Variants in NRG1 observed in about 807,000 individuals in gnomAD.
NRG1 encodes the protein neuregulin 1.
In NRG1, 18 loss-of-function variants were observed where a neutral mutation model predicts 63.8. The observed-to-expected ratio is 0.28, with a 90% CI of 0.19 to 0.42. The LOEUF (loss-of-function observed/expected upper bound fraction) is 0.42. NRG1 is among the 10% of genes least tolerant of loss of function. The pLI is 1.00. For synonymous variants in NRG1, 302 were observed against 301.3 expected (o/e 1.00, Z -0.02); for missense variants, 762 against 814.7 (o/e 0.94, Z 0.79).
At chr8:31,676,473 C>A (rs1807712394) in intron 1 of NRG1, among the ~76,000 whole-genome samples, 1 of 152,146 alleles carries the variant, frequency 6.6e-6, no homozygotes, top group African/African-American at 2.4e-5. Context: ...CCATTTCATT[C>A]CCTATGGCTT....
chr8:32,434,184 C>CAAAATAAAATAAAATAAAAT (rs71208182), intron 1 of NRG1, among the ~76,000 whole-genome samples: 17 of 146,338 alleles, frequency 1.2e-4, no homozygotes, highest in African/African-American at 3.8e-4. Flanking sequence ...GACTCCATCT[C>CAAAATAAAATAAAATAAAAT]AAAATAAAAT....
chr8:32,311,523 A>G (rs1856802628), intron 1 of NRG1, among the ~76,000 whole-genome samples: 1 of 152,172 alleles, frequency 6.6e-6, no homozygotes, highest in African/African-American at 2.4e-5. Flanking sequence ...TCAAAAACCT[A>G]GAATAAGCCA....
intron 1 of NRG1, among the ~76,000 whole-genome samples, chr8:32,264,750 C>G (rs1850735469): frequency 6.6e-6 from 1 of 151,946 alleles, no homozygotes; most frequent in Admixed American, 6.6e-5. Context: ...AAAAAGCTAA[C>G]TGTGGCATGA....
rs371967898 is a variant in NRG1, at chr8:32,249,582, G to A, written c.38-346246G>A. The stretch of plus-strand genomic sequence containing the variant: ...ATCCCCTCTCAGAGATCACCAAGTG[G>A]TCAGACCACAAAACCAAAGCCAGTG... On this transcript the variant is annotated intron_variant, in intron 1 of 10. Coordinates refer to the NRG1 transcript ENST00000519301. 1.7e-4 allele frequency among the ~76,000 whole-genome samples: 26 copies of A among 152,172 alleles called. 1 individual carries two copies. The highest frequency in any genetic ancestry group is 5.8e-4 in the African/African-American group (24 of 41,534).
At chr8:32,721,811 G>A (rs2129003422) in intron 5 of NRG1, 2 of 1,321,202 alleles carry the variant, frequency 1.5e-6, no homozygotes, top group Non-Finnish European at 1.9e-6. Context: ...GGCATCTAGA[G>A]AAGCTACATT....
chr8:32,627,978 T>C (rs906369702), intron 5 of NRG1, among the ~76,000 whole-genome samples: 1 of 152,220 alleles, frequency 6.6e-6, no homozygotes, highest in Non-Finnish European at 1.5e-5. Flanking sequence ...TCTACACAAA[T>C]ATTGTCCTAC....
chr8:32,622,129 C>T (rs554806021), intron 5 of NRG1, among the ~76,000 whole-genome samples: 1 of 152,074 alleles, frequency 6.6e-6, no homozygotes, highest in Non-Finnish European at 1.5e-5. Context: ...TGAGGACAAT[C>T]GCGGTGGCTC....
At chr8:31,914,760 T>G (rs1723581050) in intron 1 of NRG1, among the ~76,000 whole-genome samples, 2 of 152,106 alleles carry the variant, frequency 1.3e-5, no homozygotes, top group South Asian at 4.1e-4. Context: ...TTTCAGGATT[T>G]TCTTGGTGTA....
At chr8:31,861,487 G>A (rs1414560727) in intron 1 of NRG1, among the ~76,000 whole-genome samples, 1 of 152,062 alleles carries the variant, frequency 6.6e-6, no homozygotes, top group African/African-American at 2.4e-5. Flanking sequence ...AGAGGAACAA[G>A]GAGAAGGAGA....
chr8:32,568,175 A>G (rs1563666809), intron 1 of NRG1, among the ~76,000 whole-genome samples: 3 of 152,230 alleles, frequency 2.0e-5, no homozygotes, highest in African/African-American at 7.2e-5. Context: ...ACTTATTTGC[A>G]ATAGAGCTCA....
chr8:32,041,326 A>G (rs112707407), intron 1 of NRG1, among the ~76,000 whole-genome samples: 3,695 of 152,302 alleles, frequency 0.024, 120 homozygotes, highest in African/African-American at 0.071. Context: ...GTGAGGTTCC[A>G]GCTTTGAATA....
At chr8:32,240,051 A>G (rs2129469598) in intron 1 of NRG1, among the ~76,000 whole-genome samples, 1 of 152,314 alleles carries the variant, frequency 6.6e-6, no homozygotes, top group South Asian at 2.1e-4. Flanking sequence ...GTGCTCTTGG[A>G]CATTTATCCC....
intron 1 of NRG1, chr8:31,639,602 G>A: frequency 2.1e-6 from 2 of 958,114 alleles, no homozygotes; most frequent in Non-Finnish European, 2.5e-6. Context: ...GTCACCCGCG[G>A]AGCAGCTCCT....
chr8:32,036,500 C>T (rs1819081455), intron 1 of NRG1, among the ~76,000 whole-genome samples: 1 of 152,106 alleles, frequency 6.6e-6, no homozygotes, highest in South Asian at 2.1e-4. Context: ...GGGAAGTTCT[C>T]CTGGGTGATA....
intron 1 of NRG1, among the ~76,000 whole-genome samples, chr8:31,734,396 A>G (rs1362417582): frequency 6.6e-6 from 1 of 152,214 alleles, no homozygotes; most frequent in Non-Finnish European, 1.5e-5. Flanking sequence ...TTCCTCGGGC[A>G]TCAGAGTCAA....
At chr8:32,334,617 G>C (rs965799758) in intron 1 of NRG1, among the ~76,000 whole-genome samples, 1 of 152,152 alleles carries the variant, frequency 6.6e-6, no homozygotes, top group East Asian at 1.9e-4. Context: ...CCCAGTTATT[G>C]CTCCTTAGAA....
chr8:31,786,382 A>G (rs1279088955), intron 1 of NRG1, among the ~76,000 whole-genome samples: 2 of 152,212 alleles, frequency 1.3e-5, no homozygotes, highest in Admixed American at 1.3e-4. Context: ...AGTCACCAAG[A>G]AGTGTGTGGG....
intron 5 of NRG1, among the ~76,000 whole-genome samples, chr8:32,620,998 A>G (rs1051790899): frequency 6.6e-5 from 10 of 152,160 alleles, no homozygotes; most frequent in African/African-American, 2.4e-4. Context: ...TAAAGAAATC[A>G]TTCTTGACTG....
At chr8:31,757,212 T>C (rs1241354738) in intron 1 of NRG1, among the ~76,000 whole-genome samples, 1 of 152,132 alleles carries the variant, frequency 6.6e-6, no homozygotes, top group Non-Finnish European at 1.5e-5. Flanking sequence ...TACTACTCTT[T>C]ACCAAAAGGT....
Sources: allele counts gnomAD v4.1 joint callset (sites outside exome capture counted in the v4.1 genomes callset), GRCh38; gene constraint gnomAD v4.1.1; transcripts MANE v1.5; gene names NCBI Gene and HGNC (gene_info 2026-07-23, HGNC 2026-07-21).